Variants in HS3ST3B1 observed in about 807,000 individuals in gnomAD.
The protein encoded by HS3ST3B1 is heparan sulfate-glucosamine 3-sulfotransferase 3B1.
Under a neutral mutation model 21.3 loss-of-function variants are expected in HS3ST3B1, and 13 were observed. The observed-to-expected ratio is 0.61, with a 90% CI of 0.40 to 0.97. The LOEUF (loss-of-function observed/expected upper bound fraction) is 0.97. Ranked by LOEUF, HS3ST3B1 falls within the 50% of genes least tolerant of loss-of-function variation. The pLI is 0.00. For synonymous variants in HS3ST3B1, 234 were observed against 254.8 expected, an observed-to-expected ratio of 0.92 and a Z score of 0.78; for missense variants, 459 against 554.8, an observed-to-expected ratio of 0.83 and a Z score of 1.73.
chr17:14,313,145 T>TACATATATA (rs1349125456), intron 1 of HS3ST3B1, among the ~76,000 whole-genome samples: 1 of 150,548 alleles, frequency 6.6e-6, no homozygotes, highest in Non-Finnish European at 1.5e-5. Flanking sequence ...TATATATATA[T>TACATATATA]TTTTAGTAGA....
At position 14,345,418 on chromosome 17, in the gene HS3ST3B1, G is replaced by A. The variant is rs752418285; in HGVS notation, c.945G>A (p.Leu315=). 2 of 1,293,648 alleles carry A rather than the reference G, an allele frequency of 1.5e-6. No homozygotes were observed. The highest frequency in any genetic ancestry group is 2.6e-5 in the South Asian group (2 of 76,496). The allele number at this position is 1,293,648 out of a possible 1,614,324, so 80.1% of individuals were successfully genotyped here. ...AGELGRVQDF[L]GLKRIITDKH... ...AGCTGGGCCGCGTGCAAGACTTCCT[G>A]GGCCTCAAGAGGATCATCACGGACA... The change falls in exon 2 of 2, where the codon CTG becomes CTA. Residue 315 remains leucine, a synonymous_variant. Coordinates refer to ENST00000360954, the MANE Select transcript of HS3ST3B1 (RefSeq NM_006041.3).
At chr17:14,305,997 G>A (rs1306274330) in intron 1 of HS3ST3B1, among the ~76,000 whole-genome samples, 3 of 152,132 alleles carry the variant, frequency 2.0e-5, no homozygotes, top group Non-Finnish European at 4.4e-5. Context: ...TCCAGAGATC[G>A]TTCTGGACCA....
intron 1 of HS3ST3B1, among the ~76,000 whole-genome samples, chr17:14,302,795 C>T (rs1285175034): frequency 1.3e-5 from 2 of 152,162 alleles, no homozygotes; most frequent in East Asian, 1.9e-4. Flanking sequence ...TGAAGGCGTC[C>T]GGGCCTCCGG....
rs974794934 is a variant in HS3ST3B1 at position 14,301,555 on chromosome 17, G to C, written c.37G>C (p.Asp13His). 3 of 1,586,728 alleles carry C rather than the reference G, an allele frequency of 1.9e-6. No individual in the cohort carries two copies. The highest frequency in any genetic ancestry group is 1.7e-5 in the Admixed American group (1 of 58,130). ...CCTGAGTGGCGGCAGATCTTGCCTC[G>C]ATGTCCCCGGCCGGCTCCTACCGCA... ...QRLSGGRSCL[D>H]VPGRLLPQPP... Residue 13 changes from aspartate (D) to histidine (H), a missense_variant, in exon 1 of 2, where the codon GAT becomes CAT. Physicochemically the swap from Asp to His is moderately conservative, Grantham distance 81. This residue lies in a region of HS3ST3B1 where 317 missense variants were observed against 278.6 expected (regional missense o/e 1.14). Transcript: ENST00000360954.
chr17:14,322,898 C>CTTT (rs34065582), intron 1 of HS3ST3B1, among the ~76,000 whole-genome samples: 146 of 94,606 alleles, frequency 1.5e-3, no homozygotes, highest in East Asian at 3.5e-3. Context: ...GTGTCTATGT[C>CTTT]TTTTTTTTTT....
chr17:14,326,051 G>A (rs751912190), intron 1 of HS3ST3B1, among the ~76,000 whole-genome samples: 28 of 152,206 alleles, frequency 1.8e-4, no homozygotes, highest in Middle Eastern at 3.4e-3. Context: ...ACGTGTGTGC[G>A]TGTGTGTGTG....
rs546262711 is a variant in HS3ST3B1 at position 14,319,681 on chromosome 17, A to T, written c.554+17609A>T. On this transcript the variant is annotated intron_variant, in intron 1 of 1. Transcript: ENST00000360954. ...GGGCAGTAAAGAAATAAACAAGTAG[A>T]TTAATAAAAATATAATGTCACCAAG... Among the ~76,000 whole-genome samples the T allele has an allele frequency of 2.2e-4, 33 of 152,312 alleles. No individual in the cohort carries two copies. The South Asian group carries it at 6.8e-3, about 32-fold the overall frequency.
At chr17:14,327,117 A>G (rs1370484003) in intron 1 of HS3ST3B1, among the ~76,000 whole-genome samples, 1 of 152,032 alleles carries the variant, frequency 6.6e-6, no homozygotes, top group African/African-American at 2.4e-5. Flanking sequence ...AACAACACAC[A>G]CTGGCCATAT....
intron 1 of HS3ST3B1, among the ~76,000 whole-genome samples, chr17:14,311,998 T>G (rs777459081): frequency 6.6e-6 from 1 of 152,148 alleles, no homozygotes; most frequent in Non-Finnish European, 1.5e-5. Context: ...TGAGATAAGA[T>G]AGTACAAATT....
intron 1 of HS3ST3B1, chr17:14,304,067 C>G (rs1324846363): frequency 6.6e-6 from 1 of 152,254 alleles, no homozygotes; most frequent in East Asian, 1.9e-4. Context: ...TGGAAACCCT[C>G]GCCGCGCGCC....
At chr17:14,324,701 C>T (rs1909753764) in intron 1 of HS3ST3B1, among the ~76,000 whole-genome samples, 1 of 152,134 alleles carries the variant, frequency 6.6e-6, no homozygotes, top group Admixed American at 6.5e-5. Flanking sequence ...GCAGCCTCCA[C>T]CTCCTGGGCT....
intron 1 of HS3ST3B1, among the ~76,000 whole-genome samples, chr17:14,326,425 G>GT (rs1262659833): frequency 6.6e-6 from 1 of 152,202 alleles, no homozygotes; most frequent in East Asian, 1.9e-4. Flanking sequence ...GATGGACAGA[G>GT]TGGATGAGGG....
intron 1 of HS3ST3B1, 54 bp downstream of exon 1, chr17:14,302,126 A>G (rs1019907310): frequency 6.6e-7 from 1 of 1,524,074 alleles, no homozygotes; most frequent in Non-Finnish European, 8.8e-7. Context: ...ACCCTGAGCT[A>G]AGGGAGACAT....
chr17:14,346,826 T>G lies in HS3ST3B1; in HGVS notation c.*1180T>G, dbSNP rs565983458. 3.3e-5 allele frequency: 5 copies of G among 152,340 alleles called. No homozygotes were observed. The East Asian group carries it at 9.6e-4, about 29-fold the overall frequency. The allele number at this position is 152,340 out of a possible 1,614,324, so 9.4% of individuals were successfully genotyped here. A position where few individuals can be genotyped will look rare whatever the true frequency, so the allele number is the denominator to read the frequency against. ...TGACACACCAAAGAATCCCGTAGGC[T>G]AGCAGAGCCACCAGCACAAACCAAG... On this transcript the variant is annotated 3_prime_UTR_variant, in exon 2 of 2. Transcript: ENST00000360954.
In HS3ST3B1 at chr17:14,301,095, C is replaced by T; in HGVS notation, c.-424C>T. The T allele has an allele frequency of 1.6e-5, 3 of 188,456 alleles. No individual in the cohort carries two copies. The highest frequency in any genetic ancestry group is 1.4e-4 in the East Asian group (1 of 7,334). 11.7% of individuals were successfully genotyped at this position (188,456 alleles called of 1,614,324 possible). A position where few individuals can be genotyped will look rare whatever the true frequency, so the allele number is the denominator to read the frequency against. On this transcript the variant is annotated 5_prime_UTR_variant, in exon 1 of 2. Transcript: ENST00000360954. ...TCTCTTCCTGCGCAGTTCGCCTCTG[C>T]AGCCTCTGCGGGGAAGTGCCGGGGC...
At position 14,348,284 on chromosome 17, in the gene HS3ST3B1, C is replaced by T. The variant is rs1281423348; in HGVS notation, c.*2638C>T. On this transcript the variant is annotated 3_prime_UTR_variant, in exon 2 of 2. Transcript: ENST00000360954. ...TCTGGTAGAAGGAGGGTCATTTAGT[C>T]ACGAACACTGAAGTGGGTCAAAATT... is the stretch of plus-strand genomic sequence containing the variant. The T allele has an allele frequency of 6.6e-6, 1 of 152,188 alleles. No individual in the cohort carries two copies. Among genetic ancestry groups the T allele is most frequent in the Non-Finnish European group, 1.5e-5 (1 of 68,040 alleles). The allele number at this position is 152,188 out of a possible 1,614,324, so 9.4% of individuals were successfully genotyped here.
intron 1 of HS3ST3B1, among the ~76,000 whole-genome samples, chr17:14,309,455 CG>C (rs1909236565): frequency 6.6e-6 from 1 of 152,174 alleles, no homozygotes. Context: ...GCGGTGCCGG[CG>C]GGACCCGTCT....
At chr17:14,314,423 C>T (rs1456386743) in intron 1 of HS3ST3B1, among the ~76,000 whole-genome samples, 2 of 152,168 alleles carry the variant, frequency 1.3e-5, no homozygotes, top group East Asian at 3.8e-4. Context: ...AGTTCAAAAA[C>T]CCCCAAAGCT....
At chr17:14,305,402 A>G (rs981840535) in intron 1 of HS3ST3B1, 4 of 152,256 alleles carry the variant, frequency 2.6e-5, no homozygotes, top group Non-Finnish European at 4.4e-5. Flanking sequence ...GTGGTTCAGG[A>G]GAATTTCACA....
Sources: allele counts gnomAD v4.1 joint callset (sites outside exome capture counted in the v4.1 genomes callset), GRCh38; gene constraint gnomAD v4.1.1; regional missense constraint gnomAD v4.1.1; transcripts MANE v1.5; gene names NCBI Gene and HGNC (gene_info 2026-07-23, HGNC 2026-07-21).